The following TENM4 variants were observed in gnomAD, a reference collection of about 807,000 sequenced individuals.
TENM4 encodes the protein teneurin-4.
TENM4 carries 82 observed loss-of-function variants against 243.3 expected under a neutral mutation model. That is an observed-to-expected ratio of 0.34 (90% CI 0.28 to 0.40). The LOEUF is 0.40. TENM4 is among the 10% of genes least tolerant of loss of function. TENM4 has a pLI of 1.00. For synonymous variants in TENM4, 1,412 were observed against 1,456.3 expected (o/e 0.97, Z 0.69); for missense variants, 3,138 against 3,673.3 (o/e 0.85, Z 3.77).
At chr11:78,917,018 A>C (rs1856331656) in intron 6 of TENM4, among the ~76,000 whole-genome samples, 1 of 152,252 alleles carries the variant, frequency 6.6e-6, no homozygotes, top group African/African-American at 2.4e-5. Context: ...GCAATTTATT[A>C]AATGCAAAAA....
At chr11:79,373,064 G>A (rs1857817510) in intron 1 of TENM4, among the ~76,000 whole-genome samples, 2 of 151,826 alleles carry the variant, frequency 1.3e-5, no homozygotes, top group Admixed American at 6.6e-5. Context: ...TCTTAATTAT[G>A]AAAAAAATAT....
At chr11:79,414,799 C>A (rs1042941178) in intron 1 of TENM4, among the ~76,000 whole-genome samples, 1 of 152,208 alleles carries the variant, frequency 6.6e-6, no homozygotes, top group African/African-American at 2.4e-5. Flanking sequence ...AGCAGCCCTG[C>A]CTGAATCATG....
At position 79,195,416 on chromosome 11, in the gene TENM4, C is replaced by T. The variant is rs145514890; in HGVS notation, c.-163+20392G>A. ...AAGCCGCAGAAATTCAACAACAGCCCGTGAAAGCAGCCAGGAGGAAGGCTG... is the reference window on the plus strand; with the variant it reads ...AAGCCGCAGAAATTCAACAACAGCCTGTGAAAGCAGCCAGGAGGAAGGCTG... On this transcript the variant is annotated intron_variant, in intron 3 of 33. Transcript: ENST00000278550. Among the ~76,000 whole-genome samples the T allele has an allele frequency of 7.8e-3, 1,183 of 152,164 alleles. 10 individuals are homozygous for T. Among genetic ancestry groups the T allele is most frequent in the Middle Eastern group, 0.031 (9 of 292 alleles).
At chr11:79,402,244 A>G (rs1858477681) in intron 1 of TENM4, 1 of 170,208 alleles carries the variant, frequency 5.9e-6, no homozygotes, top group Non-Finnish European at 1.4e-5. Context: ...TGAAGTCACC[A>G]GTGAACTTGT....
intron 1 of TENM4, among the ~76,000 whole-genome samples, chr11:79,329,324 G>C (rs1314837520): frequency 6.6e-6 from 1 of 152,204 alleles, no homozygotes; most frequent in East Asian, 1.9e-4. Flanking sequence ...AGTGACGGGA[G>C]AGGCCTTTGC....
chr11:78,895,789 G>A (rs1855778905), intron 7 of TENM4, among the ~76,000 whole-genome samples: 3 of 152,174 alleles, frequency 2.0e-5, no homozygotes. Context: ...GAAAGGTTAA[G>A]TGCCCAGCAT....
chr11:78,780,566 T>G, intron 16 of TENM4, among the ~76,000 whole-genome samples: 1 of 152,082 alleles, frequency 6.6e-6, no homozygotes, highest in East Asian at 1.9e-4. Context: ...GCTTCCACCG[T>G]GAGGGAGTTC....
Position 79,373,326 on chromosome 11 carries a change from C to A in TENM4, c.-321+67183G>T, listed in dbSNP as rs141277995. ...GCTGGCTGGCTGGCTGGCTGGCTGG[C>A]TGGCTGGATGGATGGATGGATGGAT... is the stretch of plus-strand genomic sequence containing the variant. On this transcript the variant is annotated intron_variant, in intron 1 of 33. Transcript: ENST00000278550. Among the ~76,000 whole-genome samples, 739 of 98,244 alleles carry A rather than the reference C, an allele frequency of 7.5e-3. 2 individuals are homozygous for A. The highest frequency in any genetic ancestry group is 0.012 in the South Asian group (47 of 3,964). The allele number at this position is 98,244 out of a possible 152,430, so 64.5% of individuals were successfully genotyped here.
chr11:78,738,564 A>C lies in TENM4; in HGVS notation c.2763T>G (p.Ala921=). 6.2e-7 allele frequency: 1 copy of C among 1,613,666 alleles called. No individual in the cohort carries two copies. Among genetic ancestry groups the C allele is most frequent in the Non-Finnish European group, 8.5e-7 (1 of 1,179,708 alleles). The change falls in exon 20 of 34, where the codon GCT becomes GCG. Residue 921 remains alanine (A), a synonymous_variant. Transcript: ENST00000278550. The stretch of plus-strand genomic sequence containing the variant: ...TCATCACTTGGCCACGAATAACACA[A>C]GCATGCCTGTGGGAAGAGAAGAGAG... ...PGENPFDGGH[A]CVIRGQVMTS...
chr11:79,153,640 C>A (rs943074449), intron 3 of TENM4, among the ~76,000 whole-genome samples: 4 of 152,174 alleles, frequency 2.6e-5, no homozygotes, highest in African/African-American at 9.7e-5. Flanking sequence ...AGCAGTGGTT[C>A]TTGCGGCTGA....
At chr11:78,758,096 A>G (rs543803292) in intron 18 of TENM4, among the ~76,000 whole-genome samples, 6 of 152,348 alleles carry the variant, frequency 3.9e-5, no homozygotes, top group Admixed American at 2.6e-4. Flanking sequence ...AGTGGTGGAC[A>G]GGAAAAGCCC....
Position 78,658,647 on chromosome 11 carries a change from A to C in TENM4, c.7721T>G (p.Leu2574Trp). 1 of 1,614,040 alleles carries C rather than the reference A, an allele frequency of 6.2e-7. No homozygotes were observed. The highest frequency in any genetic ancestry group is 8.5e-7 in the Non-Finnish European group (1 of 1,179,904). ...SVFGKGVKFALKDGRVTTDII... is the reference protein window; with the variant it reads ...SVFGKGVKFAWKDGRVTTDII... ...GTCTGTGGTCACTCGGCCATCCTTC[A>C]AGGCAAACTTGACCCCCTTGCCAAA... The change falls in exon 34 of 34, where the codon TTG (leucine) becomes TGG (tryptophan). Residue 2574 changes from leucine to tryptophan, a missense_variant. By Grantham distance (61) the Leu-to-Trp change is moderately conservative. Around this residue, in one of 2 missense-constraint regions of TENM4, gnomAD observed 2,467 missense variants for 3,059.1 expected, o/e 0.81. Transcript: ENST00000278550.
At chr11:79,250,460 T>G (rs907402948) in intron 2 of TENM4, among the ~76,000 whole-genome samples, 7 of 152,238 alleles carry the variant, frequency 4.6e-5, no homozygotes, top group African/African-American at 1.4e-4. Context: ...CTGGGAATGA[T>G]TAGACTGAAG....
intron 2 of TENM4, among the ~76,000 whole-genome samples, chr11:79,259,658 T>TATCC (rs10534484): frequency 0.019 from 2,745 of 145,388 alleles, 46 homozygotes; most frequent in African/African-American, 0.028. Flanking sequence ...TCCATCCATC[T>TATCC]ATCCATCCAT....
intron 5 of TENM4, chr11:79,068,382 C>CAT (rs1565190525): frequency 6.6e-6 from 1 of 152,176 alleles, no homozygotes; most frequent in Admixed American, 6.5e-5. Context: ...GAGCCTTAAC[C>CAT]ATAAGCTGGG....
At chr11:79,248,945 A>G (rs375636302) in intron 2 of TENM4, among the ~76,000 whole-genome samples, 7 of 152,206 alleles carry the variant, frequency 4.6e-5, no homozygotes, top group South Asian at 2.1e-4. Context: ...AAAGAGGAAG[A>G]GGAAGAGAGG....
intron 19 of TENM4, among the ~76,000 whole-genome samples, chr11:78,751,235 C>T (rs1009129416): frequency 6.6e-6 from 1 of 152,200 alleles, no homozygotes; most frequent in East Asian, 1.9e-4. Flanking sequence ...AGTCTCTCCT[C>T]CTCATAGGCT....
intron 2 of TENM4, among the ~76,000 whole-genome samples, chr11:79,254,279 A>G (rs1276186695): frequency 6.6e-6 from 1 of 152,248 alleles, no homozygotes; most frequent in Non-Finnish European, 1.5e-5. Context: ...AGACTGAGGT[A>G]AACGATGTAT....
chr11:79,295,896 A>AACACACACACACAC lies in TENM4; in HGVS notation c.-265+1578_-265+1591dup, dbSNP rs199711050. Reference sequence around the variant, plus strand: ...AATAAGAATTGCCTCCCAGGGATTAAACACACACACACACACACACACACA... The same window carrying AACACACACACACAC: ...AATAAGAATTGCCTCCCAGGGATTAAACACACACACACACACACACACACACACACACACACACA... On this transcript the variant is annotated intron_variant, in intron 2 of 33. Transcript: ENST00000278550. 8.6e-3 allele frequency among the ~76,000 whole-genome samples: 1,128 copies of AACACACACACACAC among 130,864 alleles called. 19 individuals are homozygous for AACACACACACACAC. The highest frequency in any genetic ancestry group is 0.024 in the African/African-American group (822 of 33,710). The allele number at this position is 130,864 out of a possible 152,430, so 85.9% of individuals were successfully genotyped here. A position where few individuals can be genotyped will look rare whatever the true frequency, so the allele number is the denominator to read the frequency against.
Sources: gnomAD v4.1 joint callset for allele counts (sites outside exome capture counted in the v4.1 genomes callset) on GRCh38, gnomAD v4.1.1 for gene constraint, gnomAD v4.1.1 regional missense constraint, MANE v1.5 for transcripts, NCBI Gene and HGNC (gene_info 2026-07-23, HGNC 2026-07-21) for gene names.